The following TIAM2 variants were observed in gnomAD, a reference collection of about 807,000 sequenced individuals.
TIAM2 encodes the protein rho guanine nucleotide exchange factor TIAM2.
TIAM2 carries 80 observed loss-of-function variants against 152.9 expected under a neutral mutation model. That is an observed-to-expected ratio of 0.52 (90% CI 0.44 to 0.63). The LOEUF (loss-of-function observed/expected upper bound fraction) is 0.63, where lower values mean the gene tolerates loss of function less well. TIAM2 is among the 30% of genes least tolerant of loss of function. The pLI is 0.00. For synonymous variants in TIAM2, 804 were observed against 838.0 expected, an observed-to-expected ratio of 0.96 and a Z score of 0.70; for missense variants, 1,965 against 2,120.1, an observed-to-expected ratio of 0.93 and a Z score of 1.44.
In TIAM2 at chr6:155,081,132, A is replaced by G. The variant is rs1386763318; in HGVS notation, c.-208-9157A>G. Reference sequence around the variant, plus strand: ...ACAGCTTTGAAAAAGAAAGAGGGTAAAATATTTTAACCACCCTTGGTGTCA... The same window carrying G: ...ACAGCTTTGAAAAAGAAAGAGGGTAGAATATTTTAACCACCCTTGGTGTCA... On this transcript the variant is annotated intron_variant, in intron 1 of 26. Coordinates refer to ENST00000682666, the MANE Select transcript of TIAM2 (RefSeq NM_012454.4). Among the ~76,000 whole-genome samples the G allele has an allele frequency of 5.3e-5, 8 of 152,152 alleles. No individual in the cohort carries two copies. The East Asian group carries it at 1.5e-3, about 29-fold the overall frequency.
intron 9 of TIAM2, chr6:155,168,948 T>C: frequency 6.8e-7 from 1 of 1,480,780 alleles, no homozygotes; most frequent in Non-Finnish European, 9.0e-7. Flanking sequence ...CGCCATCTTG[T>C]TTTACATGAA....
chr6:155,220,811 A>T (rs1476505978), intron 15 of TIAM2, among the ~76,000 whole-genome samples: 2 of 152,188 alleles, frequency 1.3e-5, no homozygotes, highest in Non-Finnish European at 2.9e-5. Flanking sequence ...ACATGTGCAG[A>T]ATGTGCAGGT....
chr6:155,220,753 G>A (rs767719251), intron 15 of TIAM2, among the ~76,000 whole-genome samples: 2 of 152,146 alleles, frequency 1.3e-5, no homozygotes, highest in Non-Finnish European at 2.9e-5. Flanking sequence ...ATAATCAAGC[G>A]TGTCTTACCT....
intron 2 of TIAM2, among the ~76,000 whole-genome samples, chr6:155,127,000 C>T (rs1295230959): frequency 2.0e-5 from 3 of 152,122 alleles, no homozygotes. Flanking sequence ...CTAACATGTG[C>T]TTGAGAAAGC....
Position 155,161,736 on chromosome 6 carries a change from G to GTT in TIAM2, c.2029-2667_2029-2666dup, listed in dbSNP as rs34121325. On this transcript the variant is annotated intron_variant, in intron 7 of 26. Transcript: ENST00000682666. ...GCGTGTGCCACCACACCTGGCTAAT[G>GTT]TTTTTTTTTTTTTGTATTTTTAGTA... 5.4e-5 allele frequency among the ~76,000 whole-genome samples: 8 copies of GTT among 147,558 alleles called. 1 individual carries two copies. The highest frequency in any genetic ancestry group is 1.3e-4 in the African/African-American group (5 of 39,976).
chr6:155,040,887 T>C (rs555324700), intron 1 of TIAM2, among the ~76,000 whole-genome samples: 2 of 152,246 alleles, frequency 1.3e-5, no homozygotes, highest in Non-Finnish European at 1.5e-5. Context: ...GGTCTTCATA[T>C]CATGAAAATG....
intron 14 of TIAM2, among the ~76,000 whole-genome samples, chr6:155,197,421 G>A (rs1781372185): frequency 6.6e-6 from 1 of 152,130 alleles, no homozygotes. Context: ...AATGGGGGCT[G>A]AAAATGTTGA....
At chr6:155,193,978 C>T (rs12529938) in intron 14 of TIAM2, among the ~76,000 whole-genome samples, 42,435 of 152,040 alleles carry the variant, frequency 0.28, 6,332 homozygotes, top group Admixed American at 0.35. Context: ...TGTGGACTCC[C>T]TGGAAGGGTC....
At chr6:155,191,251 T>C (rs572726758) in intron 14 of TIAM2, among the ~76,000 whole-genome samples, 1 of 152,312 alleles carries the variant, frequency 6.6e-6, no homozygotes, top group South Asian at 2.1e-4. Context: ...TGTGTGACCT[T>C]GGACAAGTCA....
At chr6:155,046,826 C>T (rs963470193) in intron 1 of TIAM2, among the ~76,000 whole-genome samples, 1 of 152,124 alleles carries the variant, frequency 6.6e-6, no homozygotes, top group Non-Finnish European at 1.5e-5. Context: ...GGCAGCTGCC[C>T]CTCCCAGACT....
intron 20 of TIAM2, among the ~76,000 whole-genome samples, chr6:155,249,076 G>C (rs1446828232): frequency 1.3e-5 from 2 of 152,072 alleles, no homozygotes; most frequent in African/African-American, 2.4e-5. Flanking sequence ...TTTGTATTAA[G>C]ATGATCTTTA....
intron 14 of TIAM2, among the ~76,000 whole-genome samples, chr6:155,185,909 A>C (rs1191781811): frequency 2.0e-5 from 3 of 152,104 alleles, no homozygotes; most frequent in African/African-American, 7.2e-5. Context: ...GCTGGAAAAA[A>C]CAGCCCCAGC....
At chr6:155,080,423 G>A (rs78849565) in intron 1 of TIAM2, among the ~76,000 whole-genome samples, 5,406 of 151,648 alleles carry the variant, frequency 0.036, 343 homozygotes, top group African/African-American at 0.12. Flanking sequence ...AGAAGTTTAG[G>A]TAAAGCAACA....
chr6:155,216,147 G>A lies in TIAM2; in HGVS notation c.3168+4840G>A, dbSNP rs77340043. Among the ~76,000 whole-genome samples, 279 of 152,240 alleles carry A rather than the reference G, an allele frequency of 1.8e-3. 1 individual carries two copies. The highest frequency in any genetic ancestry group is 6.5e-3 in the African/African-American group (268 of 41,542). ...GAAGTGGTGATGTGGGAGGTGTCTG[G>A]TGAATGCCTAGTGTGTGCTGGGAGT... On this transcript the variant is annotated intron_variant, in intron 15 of 26. Coordinates refer to ENST00000682666, the MANE Select transcript of TIAM2 (RefSeq NM_012454.4).
intron 2 of TIAM2, among the ~76,000 whole-genome samples, chr6:155,114,058 T>C (rs1277829528): frequency 1.1e-4 from 11 of 103,322 alleles, no homozygotes; most frequent in Non-Finnish European, 2.0e-4. Flanking sequence ...TTCTTTTTTT[T>C]TTTTTTTTTT....
intron 2 of TIAM2, among the ~76,000 whole-genome samples, chr6:155,114,947 C>T (rs975611880): frequency 6.6e-6 from 1 of 152,100 alleles, no homozygotes; most frequent in Admixed American, 6.6e-5. Flanking sequence ...CCTGTCTCAG[C>T]CTCCCAAGTA....
intron 9 of TIAM2, among the ~76,000 whole-genome samples, chr6:155,176,259 A>C (rs907725938): frequency 2.0e-5 from 3 of 151,654 alleles, no homozygotes; most frequent in Non-Finnish European, 2.9e-5. Flanking sequence ...TTTGAGACAG[A>C]CTCTTACTCT....
chr6:155,033,045 C>A (rs769076780), intron 1 of TIAM2, among the ~76,000 whole-genome samples: 2 of 152,160 alleles, frequency 1.3e-5, no homozygotes, highest in Non-Finnish European at 2.9e-5. Flanking sequence ...GCCTGTTAGA[C>A]TGTATGTTAA....
chr6:155,123,975 C>A (rs986028570), intron 2 of TIAM2, among the ~76,000 whole-genome samples: 2 of 152,172 alleles, frequency 1.3e-5, no homozygotes, highest in African/African-American at 4.8e-5. Context: ...TTCAACAGCT[C>A]AGGCTTTGAA....
Sources: allele counts gnomAD v4.1 joint callset (sites outside exome capture counted in the v4.1 genomes callset), GRCh38; gene constraint gnomAD v4.1.1; transcripts MANE v1.5; gene names NCBI Gene and HGNC (gene_info 2026-07-23, HGNC 2026-07-21).